ZNF132: variants seen among roughly 807,000 people sequenced by gnomAD.
ZNF132 encodes zinc finger protein 132, also known as zinc finger protein 132 (clone pHZ-12).
ZNF132 carries 6 observed loss-of-function variants against 9.3 expected under a neutral mutation model. That is an observed-to-expected ratio of 0.65 (90% CI 0.35 to 1.28). ZNF132 has a LOEUF of 1.28. Ranked by LOEUF, ZNF132 falls within the 50% of genes most tolerant of loss-of-function variation. The probability of loss-of-function intolerance (pLI) is 0.03; values close to 1 mark genes in which losing one functional copy is unlikely to be tolerated. For synonymous variants in ZNF132, 296 were observed against 292.0 expected (o/e 1.01, Z -0.14); for missense variants, 877 against 843.2 (o/e 1.04, Z -0.50).
chr19:58,438,834 G>A (rs773838778), intron 1 of ZNF132, among the ~76,000 whole-genome samples: 7 of 151,214 alleles, frequency 4.6e-5, no homozygotes, highest in African/African-American at 7.3e-5. Context: ...GCAGTGGCAC[G>A]ATCTCAGCTC....
chr19:58,436,956 C>A, intron 2 of ZNF132, 91 bp downstream of exon 2: 1 of 1,569,348 alleles, frequency 6.4e-7, no homozygotes, highest in South Asian at 1.1e-5. Context: ...GAAGCAGTAC[C>A]CATGATCTGG....
At position 58,434,278 on chromosome 19, in the gene ZNF132, T is replaced by C. The variant is rs780189030; in HGVS notation, c.1166A>G (p.Asn389Ser). 15 of 1,613,856 alleles carry C rather than the reference T, an allele frequency of 9.3e-6. No individual in the cohort carries two copies. The highest frequency in any genetic ancestry group is 8.8e-5 in the South Asian group (8 of 91,082). The change falls in exon 3 of 3, where the codon AAT becomes AGT. Residue 389 changes from asparagine (N) to serine (S), a missense_variant. By Grantham distance (46) the Asn-to-Ser change is conservative (BLOSUM62 1). Coordinates refer to ENST00000254166, the MANE Select transcript of ZNF132 (RefSeq NM_003433.4). ...GTGAACTTTCTGATGCCGAAGGAAATTGGAGCTTTGGCTGAAGGCTCTTCC... is the reference window on the plus strand; with the variant it reads ...GTGAACTTTCTGATGCCGAAGGAAACTGGAGCTTTGGCTGAAGGCTCTTCC... ...KCGRAFSQSSNFLRHQKVHTQ... is the reference protein window; with the variant it reads ...KCGRAFSQSSSFLRHQKVHTQ...
In ZNF132 at chr19:58,439,806, G is replaced by A. The variant is rs1355209845; in HGVS notation, c.16C>T (p.Pro6Ser). The change falls in exon 1 of 3, where the codon CCA becomes TCA. Residue 6 changes from proline to serine, a missense_variant. Pro to Ser is a moderately conservative substitution (Grantham distance 74). Coordinates refer to ENST00000254166, the MANE Select transcript of ZNF132 (RefSeq NM_003433.4). MALPS[P>S]QVLMGLPALL... Reference sequence around the variant, plus strand: ...GCTGGCAACCCCATTAGAACCTGTGGGCTGGGCAGGGCCATAACAGGAGGC... The same window carrying A: ...GCTGGCAACCCCATTAGAACCTGTGAGCTGGGCAGGGCCATAACAGGAGGC... 2 of 1,544,782 alleles carry A rather than the reference G, an allele frequency of 1.3e-6. No homozygotes were observed. The highest frequency in any genetic ancestry group is 1.7e-6 in the Non-Finnish European group (2 of 1,145,180).
intron 1 of ZNF132, chr19:58,437,853 C>A: frequency 1.1e-6 from 1 of 944,250 alleles, no homozygotes. Flanking sequence ...CTTCAACCAT[C>A]AGCTGCCCAG....
rs2052760431 is a variant in ZNF132, at chr19:58,434,346, C to G, written c.1098G>C (p.Glu366Asp). ...FSNRSHLIRH[E>D]KVHTGERPFE... ...AAGGCCTTTCTCCAGTGTGAACTTT[C>G]TCATGCCGAATGAGGTGTGATCTGT... Residue 366 changes from glutamate (E) to aspartate (D), a missense_variant, in exon 3 of 3, where the codon GAG becomes GAC. Transcript: ENST00000254166. 3.7e-6 allele frequency: 6 copies of G among 1,614,246 alleles called. No individual in the cohort carries two copies. The highest frequency in any genetic ancestry group is 1.3e-5 in the African/African-American group (1 of 75,064).
rs1568599058 is a variant in ZNF132 at position 58,440,108 on chromosome 19, G to A, written c.-287C>T. On this transcript the variant is annotated 5_prime_UTR_variant, in exon 1 of 3. Coordinates refer to ENST00000254166, the MANE Select transcript of ZNF132 (RefSeq NM_003433.4). ...TCCCGTGCCCTGGTGTGGCTCCAGA[G>A]GCCTGCTGTAGCCCAACCCACCAGC... 6.5e-6 allele frequency: 3 copies of A among 464,604 alleles called. No individual in the cohort carries two copies. The highest frequency in any genetic ancestry group is 7.6e-6 in the Non-Finnish European group (2 of 264,228). The allele number at this position is 464,604 out of a possible 1,614,324, so 28.8% of individuals were successfully genotyped here.
rs45601133 is a variant in ZNF132 at position 58,432,844 on chromosome 19, C to G, written c.*479G>C. 55 of 166,734 alleles carry G rather than the reference C, an allele frequency of 3.3e-4. No homozygotes were observed. Among genetic ancestry groups the G allele is most frequent in the Admixed American group, 1.1e-3 (19 of 18,084 alleles). The allele number at this position is 166,734 out of a possible 1,614,324, so 10.3% of individuals were successfully genotyped here. ...TGATCAATAAGGTCTTTATTATCAC[C>G]AGTTAGTGCAGGCAAGGTAGGTGAT... On this transcript the variant is annotated 3_prime_UTR_variant, in exon 3 of 3. Coordinates refer to ENST00000254166, the MANE Select transcript of ZNF132 (RefSeq NM_003433.4).
chr19:58,436,842 C>T (rs574751621), intron 2 of ZNF132: 1 of 741,056 alleles, frequency 1.3e-6, no homozygotes, highest in African/African-American at 1.7e-5. Context: ...GGCTCCTGGG[C>T]AACAGCTATT....
At position 58,434,999 on chromosome 19, in the gene ZNF132, T is replaced by A; in HGVS notation, c.445A>T (p.Arg149Ter). ...AGGTTTGCATTCAACCAAAAGTCTC[T>A]CCCACATGCTCCACATGTGTAGGGT... The part of the protein sequence containing the change: ...EKPYTCGACG[R>*]DFWLNANLHQ... The change falls in exon 3 of 3, where the codon AGA (arginine) becomes TGA (stop). Residue 149 changes from arginine (R) to a stop codon, truncating the protein, a stop_gained. Coordinates refer to ENST00000254166, the MANE Select transcript of ZNF132 (RefSeq NM_003433.4). LOFTEE classifies it low-confidence loss of function (END_TRUNC). The A allele has an allele frequency of 6.2e-7, 1 of 1,614,180 alleles. No homozygotes were observed.
chr19:58,433,248 G>A lies in ZNF132; in HGVS notation c.*75C>T. 6.8e-7 allele frequency: 1 copy of A among 1,468,222 alleles called. No homozygotes were observed. Among genetic ancestry groups the A allele is most frequent in the Non-Finnish European group, 9.2e-7 (1 of 1,083,666 alleles). 90.9% of individuals were successfully genotyped at this position (1,468,222 alleles called of 1,614,324 possible). On this transcript the variant is annotated 3_prime_UTR_variant, in exon 3 of 3. Transcript: ENST00000254166. ...GCAGTACATGTAGGTAATTTTTCTG[G>A]TATGGGGATTCTGCTGCATGAAGTT...
In ZNF132 at chr19:58,434,307, T is replaced by A; in HGVS notation, c.1137A>T (p.Lys379Asn). The A allele has an allele frequency of 6.2e-7, 1 of 1,613,960 alleles. No individual in the cohort carries two copies. Among genetic ancestry groups the A allele is most frequent in the Non-Finnish European group, 8.5e-7 (1 of 1,179,948 alleles). Residue 379 changes from lysine to asparagine, a missense_variant, in exon 3 of 3, where the codon AAA becomes AAT. Transcript: ENST00000254166. The stretch of plus-strand genomic sequence containing the variant: ...AGCTTTGGCTGAAGGCTCTTCCACA[T>A]TTCAGGCACTCAAAAGGCCTTTCTC... ...HTGERPFECL[K>N]CGRAFSQSSN...
chr19:58,434,557 C>A lies in ZNF132; in HGVS notation c.887G>T (p.Cys296Phe), dbSNP rs2052761801. The change falls in exon 3 of 3, where the codon TGT becomes TTT. Residue 296 changes from cysteine (C) to phenylalanine (F), a missense_variant. Physicochemically the swap from Cys to Phe is radical, Grantham distance 205 (BLOSUM62 -2). Coordinates refer to ENST00000254166, the MANE Select transcript of ZNF132 (RefSeq NM_003433.4). ...AGATGAGTGACTAAAGGCCTTCCCA[C>A]ACTCCTTACACACATGGGGTATTTC... ...TGEIPHVCKE[C>F]GKAFSHSSKL... 6.2e-7 allele frequency: 1 copy of A among 1,614,054 alleles called. No individual in the cohort carries two copies. Among genetic ancestry groups the A allele is most frequent in the African/African-American group, 1.3e-5 (1 of 74,940 alleles).
Position 58,434,838 on chromosome 19 carries a change from C to T in ZNF132, c.606G>A (p.Leu202=). 1 of 1,614,196 alleles carries T rather than the reference C, an allele frequency of 6.2e-7. No individual in the cohort carries two copies. The highest frequency in any genetic ancestry group is 8.5e-7 in the Non-Finnish European group (1 of 1,180,028). ...FTCREGGKVI[L]GSCDLLQLQA... is the part of the protein sequence containing the mutation. ...GAAGCTGGAGGAGGTCACAGCTGCCCAGGATGACCTTCCCACCTTCCCTGC... is the reference window on the plus strand; with the variant it reads ...GAAGCTGGAGGAGGTCACAGCTGCCTAGGATGACCTTCCCACCTTCCCTGC... The change falls in exon 3 of 3, where the codon CTG becomes CTA. Residue 202 remains leucine, a synonymous_variant. Transcript: ENST00000254166.
In ZNF132 at chr19:58,433,935, G is replaced by C. The variant is rs757934085; in HGVS notation, c.1509C>G (p.Ile503Met). The change falls in exon 3 of 3, where the codon ATC becomes ATG. Residue 503 changes from isoleucine (I) to methionine (M), a missense_variant. Ile to Met is a conservative substitution (Grantham distance 10). Transcript: ENST00000254166. ...GCCCAGTATGTACTTTCTGGTGCTGGATGAGGGTGGAGCTATTACTGAAGG... is the reference window on the plus strand; with the variant it reads ...GCCCAGTATGTACTTTCTGGTGCTGCATGAGGGTGGAGCTATTACTGAAGG... ...GKAFSNSSTL[I>M]QHQKVHTGQR... The C allele has an allele frequency of 6.2e-7, 1 of 1,614,030 alleles. No homozygotes were observed. The highest frequency in any genetic ancestry group is 8.5e-7 in the Non-Finnish European group (1 of 1,180,010).
rs751665678 is a variant in ZNF132, at chr19:58,434,360, G to A, written c.1084C>T (p.Leu362Phe). The A allele has an allele frequency of 4.3e-6, 7 of 1,614,228 alleles. No individual in the cohort carries two copies. The highest frequency in any genetic ancestry group is 1.7e-5 in the Admixed American group (1 of 60,024). Residue 362 changes from leucine (L) to phenylalanine (F), a missense_variant, in exon 3 of 3, where the codon CTC (leucine) becomes TTC (phenylalanine). Physicochemically the swap from Leu to Phe is conservative, Grantham distance 22 (BLOSUM62 0). Coordinates refer to ENST00000254166, the MANE Select transcript of ZNF132 (RefSeq NM_003433.4). ...GTGTGAACTTTCTCATGCCGAATGAGGTGTGATCTGTTACTGAAGGCTTTC... is the reference window on the plus strand; with the variant it reads ...GTGTGAACTTTCTCATGCCGAATGAAGTGTGATCTGTTACTGAAGGCTTTC... ...CGKAFSNRSH[L>F]IRHEKVHTGE...
intron 2 of ZNF132, among the ~76,000 whole-genome samples, chr19:58,436,667 CAAAAAA>C (rs56078209): frequency 2.2e-3 from 145 of 65,540 alleles, no homozygotes; most frequent in African/African-American, 9.0e-3. Flanking sequence ...GACTCCATCT[CAAAAAA>C]AAAAAAAAAA....
At chr19:58,437,340 C>T (rs760074980) in intron 1 of ZNF132, 125 bp from the exon 2 acceptor site, 29 of 1,098,110 alleles carry the variant, frequency 2.6e-5, no homozygotes, top group Middle Eastern at 4.2e-4. Flanking sequence ...ACCCACTACT[C>T]ACCCATCCAC....
Position 58,433,327 on chromosome 19 carries a change from G to T in ZNF132, c.2117C>A (p.Thr706Asn). Residue 706 changes from threonine (T) to asparagine (N), a missense_variant, in exon 3 of 3, where the codon ACC becomes AAC. Transcript: ENST00000254166. ...CNLAQHKKIH[T>N] ...ACCACTTCCATAAGGCTCCACTCAGGTATGAATCTTTTTATGCTGTGCAAG... is the reference window on the plus strand; with the variant it reads ...ACCACTTCCATAAGGCTCCACTCAGTTATGAATCTTTTTATGCTGTGCAAG... 1 of 1,610,758 alleles carries T rather than the reference G, an allele frequency of 6.2e-7. No individual in the cohort carries two copies. The highest frequency in any genetic ancestry group is 8.5e-7 in the Non-Finnish European group (1 of 1,177,662).
chr19:58,433,988 G>T lies in ZNF132; in HGVS notation c.1456C>A (p.Pro486Thr), dbSNP rs749530326. Reference sequence around the variant, plus strand: ...TTACCACAATCACAGCATTCAAAAGGCCGTTCTCCAGTGTGAACTTTCTGA... The same window carrying T: ...TTACCACAATCACAGCATTCAAAAGTCCGTTCTCCAGTGTGAACTTTCTGA... ...RHQKVHTGER[P>T]FECCDCGKAF... Residue 486 changes from proline (P) to threonine (T), a missense_variant, in exon 3 of 3, where the codon CCT (proline) becomes ACT (threonine). Coordinates refer to ENST00000254166, the MANE Select transcript of ZNF132 (RefSeq NM_003433.4). 6.2e-7 allele frequency: 1 copy of T among 1,614,224 alleles called. No individual in the cohort carries two copies. The highest frequency in any genetic ancestry group is 1.1e-5 in the South Asian group (1 of 91,088).
Sources: allele counts gnomAD v4.1 joint callset (sites outside exome capture counted in the v4.1 genomes callset), GRCh38; gene constraint gnomAD v4.1.1; transcripts MANE v1.5; gene names NCBI Gene and HGNC (gene_info 2026-07-23, HGNC 2026-07-21).